The following WWC1 variants were observed in gnomAD, a reference collection of about 807,000 sequenced individuals.
WWC1 encodes protein KIBRA.
WWC1 carries 55 observed loss-of-function variants against 138.4 expected under a neutral mutation model. The observed-to-expected ratio is 0.40, with a 90% CI of 0.32 to 0.50. The LOEUF (loss-of-function observed/expected upper bound fraction) is 0.50, where lower values mean the gene tolerates loss of function less well. WWC1 is among the 20% of genes least tolerant of loss of function. The probability of loss-of-function intolerance (pLI) is 0.72; values close to 1 mark genes in which losing one functional copy is unlikely to be tolerated. For synonymous variants in WWC1, 524 were observed against 564.9 expected, an observed-to-expected ratio of 0.93 and a Z score of 1.03; for missense variants, 1,226 against 1,420.4, an observed-to-expected ratio of 0.86 and a Z score of 2.20.
intron 1 of WWC1, among the ~76,000 whole-genome samples, chr5:168,355,617 G>T (rs959937324): frequency 2.6e-5 from 4 of 152,112 alleles, no homozygotes; most frequent in African/African-American, 9.7e-5. Flanking sequence ...GGAGCAAAAG[G>T]CTCTGAGGTG....
chr5:168,368,465 T>A (rs1032320934), intron 1 of WWC1, among the ~76,000 whole-genome samples: 1 of 152,216 alleles, frequency 6.6e-6, no homozygotes, highest in Non-Finnish European at 1.5e-5. Context: ...GAAGGGGACG[T>A]ATCTTCTTGG....
At chr5:168,364,382 G>A (rs994082251) in intron 1 of WWC1, among the ~76,000 whole-genome samples, 6 of 152,174 alleles carry the variant, frequency 3.9e-5, no homozygotes, top group African/African-American at 9.6e-5. Flanking sequence ...GGCCTTTCGC[G>A]TCTATACTGC....
intron 9 of WWC1, among the ~76,000 whole-genome samples, chr5:168,418,568 G>A (rs559712895): frequency 6.6e-6 from 1 of 152,228 alleles, no homozygotes; most frequent in African/African-American, 2.4e-5. Flanking sequence ...CAATGCCACT[G>A]GGAGGTGGCC....
intron 1 of WWC1, among the ~76,000 whole-genome samples, chr5:168,342,311 A>G (rs1774100415): frequency 6.6e-6 from 1 of 152,204 alleles, no homozygotes; most frequent in Non-Finnish European, 1.5e-5. Flanking sequence ...TGAACAGGGT[A>G]GGGACCATGG....
At position 168,464,855 on chromosome 5, in the gene WWC1, C is replaced by G; in HGVS notation, c.3043C>G (p.Leu1015Val). 1 of 1,614,156 alleles carries G rather than the reference C, an allele frequency of 6.2e-7. No homozygotes were observed. The highest frequency in any genetic ancestry group is 8.5e-7 in the Non-Finnish European group (1 of 1,179,992). Residue 1015 changes from leucine (L) to valine (V), a missense_variant, in exon 21 of 23, where the codon CTC becomes GTC. Around this residue, in one of 3 missense-constraint regions of WWC1, gnomAD observed 206 missense variants for 247.4 expected, o/e 0.83. Coordinates refer to ENST00000265293, the MANE Select transcript of WWC1 (RefSeq NM_015238.3). ...CCAGGAGATCTCGGTGCTGAAGGAGCTCAAGGAGCAGCTGGAACAAGCCAA... is the reference window on the plus strand; with the variant it reads ...CCAGGAGATCTCGGTGCTGAAGGAGGTCAAGGAGCAGCTGGAACAAGCCAA... The part of the protein sequence containing the change: ...LTQEISVLKE[L>V]KEQLEQAKSH...
intron 5 of WWC1, among the ~76,000 whole-genome samples, chr5:168,402,018 G>T (rs1248685622): frequency 3.3e-5 from 5 of 152,216 alleles, no homozygotes; most frequent in African/African-American, 1.2e-4. Context: ...CAGTCCAAGA[G>T]CTTCTGGTTA....
chr5:168,318,825 G>T (rs565366934), intron 1 of WWC1, among the ~76,000 whole-genome samples: 1 of 152,084 alleles, frequency 6.6e-6, no homozygotes, highest in Admixed American at 6.5e-5. Context: ...CTCCCAAAGT[G>T]CTGGGATTAC....
intron 19 of WWC1, among the ~76,000 whole-genome samples, chr5:168,459,271 A>AAG (rs1554117281): frequency 0.018 from 2,669 of 147,608 alleles, 109 homozygotes; most frequent in African/African-American, 0.066. Context: ...AAAAAAAAAA[A>AAG]AAAGAAAGAA....
chr5:168,342,334 T>C (rs1253335277), intron 1 of WWC1, among the ~76,000 whole-genome samples: 2 of 152,088 alleles, frequency 1.3e-5, no homozygotes, highest in Non-Finnish European at 2.9e-5. Context: ...GGTAGAGCTA[T>C]TGCGCAAAAA....
chr5:168,359,368 T>G (rs1176690715), intron 1 of WWC1, among the ~76,000 whole-genome samples: 1 of 151,944 alleles, frequency 6.6e-6, no homozygotes, highest in African/African-American at 2.4e-5. Flanking sequence ...CACTATAGAG[T>G]TTTTTACCTA....
At chr5:168,464,162 G>A (rs911803510) in intron 20 of WWC1, among the ~76,000 whole-genome samples, 5 of 152,090 alleles carry the variant, frequency 3.3e-5, no homozygotes, top group Admixed American at 6.6e-5. Flanking sequence ...CTCTAAGGCT[G>A]GGGAAACAAA....
At chr5:168,374,045 C>CAAAAAA (rs200314568) in intron 2 of WWC1, among the ~76,000 whole-genome samples, 1 of 99,646 alleles carries the variant, frequency 1.0e-5, no homozygotes. Flanking sequence ...GATTCTGTAC[C>CAAAAAA]AAAAAAAAAA....
chr5:168,415,347 G>T (rs577911652), intron 9 of WWC1: 1 of 152,126 alleles, frequency 6.6e-6, no homozygotes, highest in South Asian at 2.1e-4. Flanking sequence ...TAATCCAGAA[G>T]TTTTTTTAAA....
At position 168,431,343 on chromosome 5, in the gene WWC1, A is replaced by G; in HGVS notation, c.2179A>G (p.Asn727Asp). 4 of 1,614,140 alleles carry G rather than the reference A, an allele frequency of 2.5e-6. No homozygotes were observed. The highest frequency in any genetic ancestry group is 2.5e-6 in the Non-Finnish European group (3 of 1,180,022). The change falls in exon 15 of 23, where the codon AAT becomes GAT. Residue 727 changes from asparagine to aspartate, a missense_variant. This residue lies in a region of WWC1 where 1,016 missense variants were observed against 1,153.9 expected (regional missense o/e 0.88). Transcript: ENST00000265293. ...PLDASDTLVF[N>D]EVFWVSMSYP... ...GGACGCCTCAGACACTCTAGTGTTC[A>G]ATGAGGTGTTCTGGGTATCCATGTC...
intron 3 of WWC1, among the ~76,000 whole-genome samples, chr5:168,394,412 A>G (rs1220258479): frequency 6.6e-6 from 1 of 152,262 alleles, no homozygotes; most frequent in East Asian, 1.9e-4. Flanking sequence ...GATAGTATTT[A>G]AAGTCCTGTT....
chr5:168,351,245 G>A (rs1355318199), intron 1 of WWC1, among the ~76,000 whole-genome samples: 2 of 152,102 alleles, frequency 1.3e-5, no homozygotes, highest in South Asian at 2.1e-4. Context: ...AGAGGTTGGA[G>A]TAGTTAAAGA....
intron 3 of WWC1, among the ~76,000 whole-genome samples, chr5:168,395,876 C>T (rs1001690872): frequency 1.3e-4 from 20 of 152,202 alleles, no homozygotes; most frequent in Non-Finnish European, 8.8e-5. Flanking sequence ...TTCTCATCCC[C>T]CAAACTTCCA....
intron 1 of WWC1, among the ~76,000 whole-genome samples, chr5:168,318,130 G>T (rs1486707336): frequency 6.6e-6 from 1 of 151,798 alleles, no homozygotes; most frequent in Non-Finnish European, 1.5e-5. Context: ...GGCTTGGCCT[G>T]CAGATCATGG....
At chr5:168,448,551 T>A (rs898789511) in intron 17 of WWC1, among the ~76,000 whole-genome samples, 18 of 152,090 alleles carry the variant, frequency 1.2e-4, no homozygotes, top group African/African-American at 4.3e-4. Context: ...GAAGTGGCAT[T>A]GCTGGATCGC....
Sources: allele counts gnomAD v4.1 joint callset (sites outside exome capture counted in the v4.1 genomes callset), GRCh38; gene constraint gnomAD v4.1.1; regional missense constraint gnomAD v4.1.1; transcripts MANE v1.5; gene names NCBI Gene and HGNC (gene_info 2026-07-23, HGNC 2026-07-21).